The following KIR2DL4 variants were observed in gnomAD, a reference collection of about 807,000 sequenced individuals.
KIR2DL4 encodes the protein killer cell immunoglobulin like receptor, two Ig domains and long cytoplasmic tail 4, also known as killer cell immunoglobulin-like receptor 2DL4.
KIR2DL4 carries 41 observed loss-of-function variants against 31.0 expected under a neutral mutation model. The observed-to-expected ratio is 1.32, with a 90% CI of 1.03 to 1.72. The LOEUF (loss-of-function observed/expected upper bound fraction) is 1.72, where lower values mean the gene tolerates loss of function less well. Among genes scored for constraint, KIR2DL4 ranks in the 40% most tolerant of loss-of-function variants. The pLI, the probability that KIR2DL4 is intolerant of heterozygous loss-of-function variation, is 0.00. For missense variants in KIR2DL4, 438 were observed against 353.7 expected, an observed-to-expected ratio of 1.24 and a Z score of -1.91; for synonymous variants, 164 against 133.6, an observed-to-expected ratio of 1.23 and a Z score of -1.57.
At chr19:54,814,446 T>C in exon 8 of KIR2DL4, 1 of 334,484 alleles carries the variant, frequency 3.0e-6, no homozygotes, top group Non-Finnish European at 5.5e-6. Context: ...CCTTCTGGCA[T>C]CAGCAAACCT....
chr19:54,806,578 C>G (rs1222760145), intron 4 of KIR2DL4, among the ~76,000 whole-genome samples: 8 of 151,470 alleles, frequency 5.3e-5, no homozygotes, highest in African/African-American at 1.7e-4. Context: ...ACCCTGGCCT[C>G]TCACCTACAC....
chr19:54,814,359 C>T, exon 8 of KIR2DL4: 2 of 532,070 alleles, frequency 3.8e-6, no homozygotes, highest in Non-Finnish European at 6.7e-6. Context: ...AAGAGGCTCT[C>T]TCTTAACACG....
exon 6 of KIR2DL4, chr19:54,813,208 C>T (rs748541591): frequency 8.5e-6 from 13 of 1,523,998 alleles, no homozygotes; most frequent in Non-Finnish European, 1.1e-5. Context: ...TCTCCTTCAT[C>T]GCTGGTGCTC....
At chr19:54,805,209 G>T in intron 3 of KIR2DL4, 132 bp downstream of exon 3, 1 of 845,394 alleles carries the variant, frequency 1.2e-6, no homozygotes, top group East Asian at 2.7e-5. Flanking sequence ...TGAATACAGG[G>T]GAATGGGTGC....
intron 1 of KIR2DL4, 42 bp downstream of exon 1, chr19:54,803,733 G>A (rs2060319616): frequency 1.3e-6 from 2 of 1,599,876 alleles, no homozygotes; most frequent in Admixed American, 1.7e-5. Flanking sequence ...TACACTATGG[G>A]CCTGCAGATT....
chr19:54,805,189 A>G, intron 3 of KIR2DL4, 112 bp downstream of exon 3: 1 of 1,099,124 alleles, frequency 9.1e-7, no homozygotes, highest in Non-Finnish European at 1.3e-6. Context: ...TATTTGGGGT[A>G]AAGGGGGATT....
intron 5 of KIR2DL4, among the ~76,000 whole-genome samples, chr19:54,810,686 C>A (rs2060812595): frequency 6.6e-6 from 1 of 151,220 alleles, no homozygotes; most frequent in Non-Finnish European, 1.5e-5. Context: ...AGACAGAGAG[C>A]ACACTGGGTA....
Position 54,805,975 on chromosome 19 carries a change from C to T in KIR2DL4, c.386C>T (p.Thr129Ile), listed in dbSNP as rs112246413. The T allele has an allele frequency of 3.7e-6, 6 of 1,608,544 alleles. 1 individual carries two copies. The highest frequency in any genetic ancestry group is 3.4e-6 in the Non-Finnish European group (4 of 1,178,704). ...GGTCTATATGAGAAACCTTCGCTTA[C>T]AGCCCGGCCGGGCCCCACGGTTCGC... Residue 129 changes from threonine to isoleucine, a missense_variant, in exon 4 of 8, where the codon ACA becomes ATA. Coordinates refer to ENST00000359085, the Ensembl canonical transcript of KIR2DL4.
exon 6 of KIR2DL4, chr19:54,813,196 T>A: frequency 6.5e-7 from 1 of 1,535,980 alleles, no homozygotes; most frequent in Non-Finnish European, 8.7e-7. Context: ...CCTTCCCTTC[T>A]TTCTCCTTCA....
At chr19:54,811,254 TG>T (rs2147959943) in intron 5 of KIR2DL4, among the ~76,000 whole-genome samples, 1 of 150,422 alleles carries the variant, frequency 6.6e-6, no homozygotes, top group African/African-American at 2.5e-5. Flanking sequence ...AAAAACTAGC[TG>T]GGGGTGGTGG....
In KIR2DL4 at chr19:54,803,890, G is replaced by A. The variant is rs2060329668; in HGVS notation, c.41-1G>A. The A allele has an allele frequency of 6.2e-7, 1 of 1,610,128 alleles. No individual in the cohort carries two copies. The highest frequency in any genetic ancestry group is 8.5e-7 in the Non-Finnish European group (1 of 1,178,738). On this transcript the variant is annotated splice_acceptor_variant, in intron 1 of 7. Coordinates refer to ENST00000359085, the Ensembl canonical transcript of KIR2DL4. LOFTEE classifies it high-confidence loss of function. ...TAGTTCATCATGATCTTTCTTTGCA[G>A]GGTTCTTCTTGGACCAGAGTGTGTG...
At position 54,805,941 on chromosome 19, in the gene KIR2DL4, C is replaced by G; in HGVS notation, c.362-10C>G. The G allele has an allele frequency of 6.3e-7, 1 of 1,591,698 alleles. No homozygotes were observed. Among genetic ancestry groups the G allele is most frequent in the Non-Finnish European group, 8.5e-7 (1 of 1,171,796 alleles). On this transcript the variant is annotated splice_polypyrimidine_tract_variant and intron_variant, in intron 3 of 7. Transcript: ENST00000359085. ...AACCTCCCTGAGGAAACTGCCTCTT[C>G]TCCTTCCAGGTCTATATGAGAAACC...
rs1373004658 is a variant in KIR2DL4, at chr19:54,809,347, C to T, written c.706+464C>T. ...GCGGTAAGAGAGAACGTAGTTCATC[C>T]GTGCACATGACACTTCCACTTACTC... is the stretch of plus-strand genomic sequence containing the variant. On this transcript the variant is annotated intron_variant, in intron 5 of 7. Coordinates refer to ENST00000359085, the Ensembl canonical transcript of KIR2DL4. Among the ~76,000 whole-genome samples the T allele has an allele frequency of 2.7e-5, 4 of 150,734 alleles. 1 individual carries two copies. The highest frequency in any genetic ancestry group is 5.9e-5 in the Non-Finnish European group (4 of 67,898).
At chr19:54,805,970 G>T (rs201419800) in exon 4 of KIR2DL4, 7 of 1,606,564 alleles carry the variant, frequency 4.4e-6, no homozygotes, top group East Asian at 2.2e-5. Context: ...AGAAACCTTC[G>T]CTTACAGCCC....
intron 2 of KIR2DL4, 94 bp from the exon 3 acceptor site, chr19:54,804,699 T>C: frequency 2.2e-6 from 3 of 1,385,182 alleles, no homozygotes; most frequent in Admixed American, 2.0e-5. Flanking sequence ...GGTAGGAGCC[T>C]TAGAAAGAAG....
intron 2 of KIR2DL4, among the ~76,000 whole-genome samples, 156 bp downstream of exon 2, chr19:54,804,082 G>A (rs1357325705): frequency 6.6e-6 from 1 of 150,912 alleles, no homozygotes; most frequent in Non-Finnish European, 1.5e-5. Flanking sequence ...GAGATCCTGG[G>A]AGTCTCTCAT....
chr19:54,813,248 G>T lies in KIR2DL4; in HGVS notation c.810+20G>T, dbSNP rs1159190137. The T allele has an allele frequency of 1.9e-6, 3 of 1,596,092 alleles. No individual in the cohort carries two copies. In the East Asian group the frequency reaches 6.8e-5, roughly 36 times the overall value. On this transcript the variant is annotated intron_variant, in intron 6 of 7. Coordinates refer to ENST00000359085, the Ensembl canonical transcript of KIR2DL4. ...AAAAAAGTAAGCCTCACGAAGCAGA[G>T]GCCAGAGAACTCAGGGCCCTGTGCG...
At chr19:54,814,038 G>T in exon 8 of KIR2DL4, 1 of 1,612,138 alleles carries the variant, frequency 6.2e-7, no homozygotes, top group Non-Finnish European at 8.5e-7. Context: ...GCCTTGATGG[G>T]ATCTTCTAGG....
chr19:54,804,205 G>A (rs1475811645), intron 2 of KIR2DL4, among the ~76,000 whole-genome samples: 1 of 150,746 alleles, frequency 6.6e-6, no homozygotes, highest in Non-Finnish European at 1.5e-5. Context: ...CCCCATGGCT[G>A]AGTTGAGCTC....
Sources: allele counts gnomAD v4.1 joint callset (sites outside exome capture counted in the v4.1 genomes callset), GRCh38; gene constraint gnomAD v4.1.1; transcripts MANE v1.5; gene names NCBI Gene and HGNC (gene_info 2026-07-23, HGNC 2026-07-21).